Variants in DPP10 observed in about 807,000 individuals in gnomAD.
The protein encoded by DPP10 is inactive dipeptidyl peptidase 10.
Under a neutral mutation model 120.9 loss-of-function variants are expected in DPP10, and 33 were observed. The observed-to-expected ratio is 0.27, with a 90% confidence interval of 0.21 to 0.37. DPP10 has a LOEUF of 0.37. Ranked by LOEUF, DPP10 falls within the 10% of genes least tolerant of loss-of-function variation. The pLI is 1.00. For missense variants in DPP10, 816 were observed against 942.8 expected (o/e 0.87, Z 1.76); for synonymous variants, 337 against 326.1 (o/e 1.03, Z -0.36).
chr2:115,067,473 C>T (rs1211013861), intron 1 of DPP10, among the ~76,000 whole-genome samples: 10 of 148,504 alleles, frequency 6.7e-5, no homozygotes, highest in Non-Finnish European at 1.2e-4. Context: ...AGGATGGTTT[C>T]GATCTCCTGA....
rs933141608 is a variant in DPP10, at chr2:114,537,758, T to C, written c.60+94920T>C. Among the ~76,000 whole-genome samples the C allele has an allele frequency of 1.4e-4, 22 of 152,148 alleles. 1 individual carries two copies. Among genetic ancestry groups the C allele is most frequent in the Non-Finnish European group, 1.9e-4 (13 of 68,018 alleles). On this transcript the variant is annotated intron_variant, in intron 1 of 25. Coordinates refer to ENST00000410059, the MANE Select transcript of DPP10 (RefSeq NM_020868.6). The stretch of plus-strand genomic sequence containing the variant: ...TAAGCATCCTGAGATGGGGACAATG[T>C]AGAGTTATTTTTCTGGAATCACAGA...
At chr2:114,961,238 G>C (rs992667960) in intron 1 of DPP10, among the ~76,000 whole-genome samples, 3 of 151,796 alleles carry the variant, frequency 2.0e-5, no homozygotes, top group African/African-American at 7.3e-5. Flanking sequence ...ATTTTTAGTA[G>C]AGACGAGGTT....
intron 19 of DPP10, among the ~76,000 whole-genome samples, chr2:115,801,350 T>C (rs1316211693): frequency 6.6e-6 from 1 of 152,062 alleles, no homozygotes; most frequent in East Asian, 1.9e-4. Context: ...GACGATGGGG[T>C]TTTCTAAATA....
chr2:114,914,278 G>A (rs1694608332), intron 1 of DPP10, among the ~76,000 whole-genome samples: 1 of 152,146 alleles, frequency 6.6e-6, no homozygotes, highest in South Asian at 2.1e-4. Flanking sequence ...CAAGGTCAAT[G>A]CAAAATAAAA....
intron 1 of DPP10, among the ~76,000 whole-genome samples, chr2:114,769,954 G>A (rs543704022): frequency 5.3e-5 from 8 of 152,200 alleles, no homozygotes; most frequent in African/African-American, 1.2e-4. Context: ...CTGACTCCAC[G>A]CCTGACACAG....
chr2:115,749,311 T>G (rs1238794266), intron 10 of DPP10, among the ~76,000 whole-genome samples: 1 of 152,224 alleles, frequency 6.6e-6, no homozygotes, highest in Non-Finnish European at 1.5e-5. Flanking sequence ...TGGTCATTTG[T>G]GTAGACCTCT....
At chr2:114,990,139 A>G (rs1700673311) in intron 1 of DPP10, among the ~76,000 whole-genome samples, 1 of 152,178 alleles carries the variant, frequency 6.6e-6, no homozygotes, top group South Asian at 2.1e-4. Flanking sequence ...GCCAAAGCTA[A>G]TTAATGGTTT....
At chr2:115,104,877 G>A (rs867348289) in intron 1 of DPP10, among the ~76,000 whole-genome samples, 13 of 152,058 alleles carry the variant, frequency 8.5e-5, no homozygotes, top group South Asian at 2.1e-4. Context: ...GTGGAGGCAC[G>A]CACCTGTAGT....
chr2:115,469,725 C>G (rs967424583), intron 3 of DPP10, among the ~76,000 whole-genome samples: 1 of 151,658 alleles, frequency 6.6e-6, no homozygotes, highest in African/African-American at 2.4e-5. Context: ...GTGGAGAAAC[C>G]CCATCTCTAC....
At position 115,090,548 on chromosome 2, in the gene DPP10, G is replaced by A. The variant is rs183607137; in HGVS notation, c.61-218691G>A. ...AAATACACTCTCACAAGTCTGCTACGTTCTCCAACTTAGGGGCATTGCTCT... is the reference window on the plus strand; with the variant it reads ...AAATACACTCTCACAAGTCTGCTACATTCTCCAACTTAGGGGCATTGCTCT... On this transcript the variant is annotated intron_variant, in intron 1 of 25. Coordinates refer to ENST00000410059, the MANE Select transcript of DPP10 (RefSeq NM_020868.6). 1.1e-3 allele frequency among the ~76,000 whole-genome samples: 166 copies of A among 152,266 alleles called. 1 individual carries two copies. Among genetic ancestry groups the A allele is most frequent in the African/African-American group, 3.6e-3 (150 of 41,552 alleles).
At chr2:115,476,309 G>C (rs1340716747) in intron 3 of DPP10, among the ~76,000 whole-genome samples, 1 of 152,052 alleles carries the variant, frequency 6.6e-6, no homozygotes, top group Non-Finnish European at 1.5e-5. Flanking sequence ...CCCTCATTCT[G>C]CAGCCGTGTA....
At chr2:115,099,250 G>T (rs1298131214) in intron 1 of DPP10, among the ~76,000 whole-genome samples, 1 of 152,114 alleles carries the variant, frequency 6.6e-6, no homozygotes, top group African/African-American at 2.4e-5. Flanking sequence ...GGAGGCGGAG[G>T]TTGCTGCGAG....
rs1699987680 is a variant in DPP10, at chr2:114,980,038, CTT to C, written c.61-329200_61-329199del. Among the ~76,000 whole-genome samples, 14 of 152,124 alleles carry C rather than the reference CTT, an allele frequency of 9.2e-5. No individual in the cohort carries two copies. In the South Asian group the frequency reaches 2.9e-3, roughly 32 times the overall value. On this transcript the variant is annotated intron_variant, in intron 1 of 25. Transcript: ENST00000410059. Reference sequence around the variant, plus strand: ...ATCAAGTATAATGAGGATAATCTCTCTTACATTATTTTAAACAAGTAATTTTA... The same window carrying C: ...ATCAAGTATAATGAGGATAATCTCTCACATTATTTTAAACAAGTAATTTTA...
At chr2:115,816,026 TA>T (rs1221170992) in intron 21 of DPP10, among the ~76,000 whole-genome samples, 3 of 151,978 alleles carry the variant, frequency 2.0e-5, no homozygotes, top group East Asian at 1.9e-4. Context: ...TATTATCCTT[TA>T]AAAAATAACA....
chr2:115,342,838 A>G (rs1310732860), intron 2 of DPP10, among the ~76,000 whole-genome samples: 1 of 152,020 alleles, frequency 6.6e-6, no homozygotes, highest in Non-Finnish European at 1.5e-5. Context: ...GGTTAAATGC[A>G]TGATTGATTT....
intron 13 of DPP10, among the ~76,000 whole-genome samples, chr2:115,772,744 C>A (rs1337340786): frequency 1.3e-5 from 2 of 152,164 alleles, no homozygotes; most frequent in Non-Finnish European, 2.9e-5. Flanking sequence ...GGAACTGTAA[C>A]ATTCTACATC....
chr2:115,075,394 A>G (rs1195266075), intron 1 of DPP10, among the ~76,000 whole-genome samples: 1 of 152,220 alleles, frequency 6.6e-6, no homozygotes, highest in East Asian at 1.9e-4. Flanking sequence ...GTGTAAAGAT[A>G]GGTCAGTGCT....
chr2:114,910,372 T>C (rs1216187594), intron 1 of DPP10, among the ~76,000 whole-genome samples: 4 of 151,940 alleles, frequency 2.6e-5, no homozygotes, highest in Non-Finnish European at 2.9e-5. Context: ...AATAAGATGG[T>C]ATTGACAGCC....
At chr2:115,633,449 G>A (rs954258399) in intron 5 of DPP10, among the ~76,000 whole-genome samples, 3 of 152,096 alleles carry the variant, frequency 2.0e-5, no homozygotes, top group African/African-American at 7.2e-5. Flanking sequence ...GGGTAAGGGG[G>A]AAGGATAGCA....
Sources: allele counts gnomAD v4.1 joint callset (sites outside exome capture counted in the v4.1 genomes callset), GRCh38; gene constraint gnomAD v4.1.1; transcripts MANE v1.5; gene names NCBI Gene and HGNC (gene_info 2026-07-23, HGNC 2026-07-21).